The following LHFPL6 variants were observed in gnomAD, a reference collection of about 807,000 sequenced individuals.
The protein encoded by LHFPL6 is LHFPL tetraspan subfamily member 6.
A neutral mutation model predicts 20.6 loss-of-function variants in LHFPL6; 9 were observed. The ratio of observed to expected loss-of-function variants is 0.44; its 90% confidence interval spans 0.26 to 0.76. The LOEUF is 0.76. LHFPL6 is among the 30% of genes least tolerant of loss of function. The pLI, the probability that LHFPL6 is intolerant of heterozygous loss-of-function variation, is 0.20. For synonymous variants in LHFPL6, 105 were observed against 98.7 expected, an observed-to-expected ratio of 1.06 and a Z score of -0.38; for missense variants, 218 against 253.5, an observed-to-expected ratio of 0.86 and a Z score of 0.95.
chr13:39,398,844 G>C (rs929961723), intron 2 of LHFPL6, among the ~76,000 whole-genome samples: 3 of 152,260 alleles, frequency 2.0e-5, no homozygotes, highest in East Asian at 3.9e-4. Flanking sequence ...TCTACGTTGT[G>C]CACTCCTTAT....
At position 39,509,963 on chromosome 13, in the gene LHFPL6, C is replaced by A. The variant is rs571682163; in HGVS notation, c.385+90869G>T. ...TCAAAAAAATAAAATAAAAATACTACAACTGGCATGAACCAGACGATATAA... is the reference window on the plus strand; with the variant it reads ...TCAAAAAAATAAAATAAAAATACTAAAACTGGCATGAACCAGACGATATAA... On this transcript the variant is annotated intron_variant, in intron 2 of 3. Transcript: ENST00000379589. 2.0e-5 allele frequency among the ~76,000 whole-genome samples: 3 copies of A among 152,226 alleles called. No individual in the cohort carries two copies. The East Asian group carries it at 5.8e-4, about 29-fold the overall frequency.
chr13:39,583,668 A>G (rs1872358587), intron 2 of LHFPL6, among the ~76,000 whole-genome samples: 1 of 152,198 alleles, frequency 6.6e-6, no homozygotes, highest in Admixed American at 6.5e-5. Flanking sequence ...ACAAACCTTC[A>G]AGTTAACTCT....
intron 2 of LHFPL6, among the ~76,000 whole-genome samples, chr13:39,420,309 G>C (rs1871448320): frequency 6.6e-6 from 1 of 152,118 alleles, no homozygotes; most frequent in South Asian, 2.1e-4. Flanking sequence ...ACCTCTTTAG[G>C]TAGGTTTGGT....
At chr13:39,366,023 G>T (rs1870001516) in intron 3 of LHFPL6, among the ~76,000 whole-genome samples, 1 of 152,162 alleles carries the variant, frequency 6.6e-6, no homozygotes, top group South Asian at 2.1e-4. Flanking sequence ...GAAAACCCTA[G>T]GGAATCCTTG....
intron 2 of LHFPL6, among the ~76,000 whole-genome samples, chr13:39,398,900 A>C (rs1870911783): frequency 6.6e-6 from 1 of 152,174 alleles, no homozygotes. Context: ...TTTCATCCCC[A>C]AACCATCCTC....
intron 2 of LHFPL6, among the ~76,000 whole-genome samples, chr13:39,381,406 C>T (rs1016194662): frequency 2.0e-4 from 31 of 152,174 alleles, no homozygotes; most frequent in African/African-American, 7.5e-4. Flanking sequence ...TTTTGTGATA[C>T]TGTAACCAGG....
intron 2 of LHFPL6, among the ~76,000 whole-genome samples, chr13:39,513,911 T>C (rs142926930): frequency 1.3e-4 from 20 of 152,260 alleles, no homozygotes; most frequent in Admixed American, 7.2e-4. Context: ...CACAATTCAG[T>C]CCCTTCTAAC....
At chr13:39,434,058 C>A (rs924630652) in intron 2 of LHFPL6, among the ~76,000 whole-genome samples, 1 of 152,176 alleles carries the variant, frequency 6.6e-6, no homozygotes, top group Non-Finnish European at 1.5e-5. Flanking sequence ...CCACCTCCTG[C>A]AACCACATCT....
intron 2 of LHFPL6, among the ~76,000 whole-genome samples, chr13:39,526,454 C>T (rs9532392): frequency 0.061 from 9,216 of 152,242 alleles, 310 homozygotes; most frequent in South Asian, 0.12. Flanking sequence ...ATGGAGTTAA[C>T]GCATAATCAT....
intron 2 of LHFPL6, among the ~76,000 whole-genome samples, chr13:39,472,364 T>C (rs909923984): frequency 4.1e-4 from 63 of 152,092 alleles, no homozygotes; most frequent in Non-Finnish European, 7.9e-4. Context: ...TCTCCTTGGA[T>C]GTTTTCAAGG....
intron 2 of LHFPL6, among the ~76,000 whole-genome samples, chr13:39,584,772 T>C (rs58584213): frequency 0.032 from 4,896 of 152,022 alleles, 274 homozygotes; most frequent in African/African-American, 0.11. Flanking sequence ...AAAAACAACA[T>C]TCCAACATAT....
chr13:39,413,611 A>AGTAC (rs1871285815), intron 2 of LHFPL6, among the ~76,000 whole-genome samples: 1 of 146,278 alleles, frequency 6.8e-6, no homozygotes, highest in African/African-American at 2.5e-5. Context: ...TCTTTAAGTA[A>AGTAC]GTTTTAAATG....
In LHFPL6 at chr13:39,562,505, CATATAT is replaced by C. The variant is rs1454128069; in HGVS notation, c.385+38321_385+38326del. On this transcript the variant is annotated intron_variant, in intron 2 of 3. Coordinates refer to ENST00000379589, the MANE Select transcript of LHFPL6 (RefSeq NM_005780.3). ...ACATATATACACATATACATATATACATATATACATATATACACATATACACATATA... is the reference window on the plus strand; with the variant it reads ...ACATATATACACATATACATATATACACATATATACACATATACACATATA... Among the ~76,000 whole-genome samples, 54 of 145,216 alleles carry C rather than the reference CATATAT, an allele frequency of 3.7e-4. No individual in the cohort carries two copies. In the South Asian group the frequency reaches 5.1e-3, roughly 14 times the overall value.
At chr13:39,477,526 A>G (rs1873114645) in intron 2 of LHFPL6, among the ~76,000 whole-genome samples, 1 of 152,140 alleles carries the variant, frequency 6.6e-6, no homozygotes. Flanking sequence ...CTGTTACTGA[A>G]TCCCCTGGGT....
intron 2 of LHFPL6, among the ~76,000 whole-genome samples, chr13:39,379,508 C>T (rs1042299594): frequency 2.0e-5 from 3 of 152,064 alleles, no homozygotes; most frequent in Non-Finnish European, 2.9e-5. Flanking sequence ...AATATGGTAA[C>T]GTGGAAGAGG....
intron 2 of LHFPL6, among the ~76,000 whole-genome samples, chr13:39,413,552 G>A (rs1302127174): frequency 7.0e-6 from 1 of 142,576 alleles, no homozygotes; most frequent in Non-Finnish European, 1.6e-5. Flanking sequence ...CTGTGTATCT[G>A]GGACTACAGG....
chr13:39,523,904 T>C (rs1290579938), intron 2 of LHFPL6, among the ~76,000 whole-genome samples: 4 of 152,046 alleles, frequency 2.6e-5, no homozygotes, highest in Non-Finnish European at 5.9e-5. Context: ...ATTCCATAAA[T>C]AAGCTGGCGA....
intron 2 of LHFPL6, among the ~76,000 whole-genome samples, chr13:39,416,382 G>A (rs1014744810): frequency 2.7e-5 from 4 of 150,750 alleles, no homozygotes; most frequent in Non-Finnish European, 5.9e-5. Flanking sequence ...AAAAAGAGGA[G>A]GCATGAAACT....
At chr13:39,570,620 A>G (rs1273567968) in intron 2 of LHFPL6, among the ~76,000 whole-genome samples, 3 of 144,680 alleles carry the variant, frequency 2.1e-5, no homozygotes, top group Non-Finnish European at 4.4e-5. Flanking sequence ...AATGATAATC[A>G]AAGAACTAAG....
Sources: gnomAD v4.1 joint callset for allele counts (sites outside exome capture counted in the v4.1 genomes callset) on GRCh38, gnomAD v4.1.1 for gene constraint, MANE v1.5 for transcripts, NCBI Gene and HGNC (gene_info 2026-07-23, HGNC 2026-07-21) for gene names.